Variants in PLCH2 observed in about 807,000 individuals in gnomAD.
The protein encoded by PLCH2 is 1-phosphatidylinositol 4,5-bisphosphate phosphodiesterase eta-2.
PLCH2 carries 98 observed loss-of-function variants against 134.7 expected under a neutral mutation model. The observed-to-expected ratio is 0.73, with a 90% CI of 0.62 to 0.86. The LOEUF is 0.86. PLCH2 is among the 40% of genes least tolerant of loss of function. The pLI, the probability that PLCH2 is intolerant of heterozygous loss-of-function variation, is 0.00. For synonymous variants in PLCH2, 974 were observed against 827.5 expected, an observed-to-expected ratio of 1.18 and a Z score of -3.04; for missense variants, 1,994 against 1,986.6, an observed-to-expected ratio of 1.00 and a Z score of -0.07.
chr1:2,495,950 G>GC, intron 13 of PLCH2, among the ~76,000 whole-genome samples: 1 of 152,158 alleles, frequency 6.6e-6, no homozygotes, highest in East Asian at 1.9e-4. Flanking sequence ...TGAATTCAAG[G>GC]CCCAGGCCCC....
chr1:2,479,734 T>A lies in PLCH2; in HGVS notation c.272T>A (p.Ile91Asn). The A allele has an allele frequency of 6.5e-7, 1 of 1,535,740 alleles. No individual in the cohort carries two copies. The highest frequency in any genetic ancestry group is 8.8e-7 in the Non-Finnish European group (1 of 1,135,182). Residue 91 changes from isoleucine to asparagine, a missense_variant and splice_region_variant, in exon 3 of 22, where the codon ATC (isoleucine) becomes AAC (asparagine). By Grantham distance (149) the Ile-to-Asn change is moderately radical. This residue lies in a region of PLCH2 where 1,094 missense variants were observed against 1,234.3 expected (regional missense o/e 0.89). Transcript: ENST00000378486. ...RPSRKNEKAK[I>N]SIDSIQEVSE... ...CCCGTGCTCCCTCCCCACCCCGCAG[T>A]CTCCATCGACTCCATCCAGGAGGTG... is the stretch of plus-strand genomic sequence containing the variant.
chr1:2,437,840 C>T (rs1639504869), intron 2 of PLCH2, among the ~76,000 whole-genome samples: 1 of 152,226 alleles, frequency 6.6e-6, no homozygotes. Flanking sequence ...GCACCCAAAC[C>T]ACACACGTGC....
At chr1:2,499,583 C>A in intron 19 of PLCH2, 58 bp from the exon 20 acceptor site, 2 of 1,269,860 alleles carry the variant, frequency 1.6e-6, no homozygotes, top group Non-Finnish European at 2.2e-6. Context: ...GGGGGCAGAG[C>A]AGGTGGGGGC....
At position 2,496,587 on chromosome 1, in the gene PLCH2, A is replaced by AC; in HGVS notation, c.1836-15dup. On this transcript the variant is annotated intron_variant, in intron 13 of 21. Transcript: ENST00000378486. ...CTGGCCCTGGACGGGAGGGGTTCTG[A>AC]CCCCCTGCACCTGCCACAGGGCGAC... The AC allele has an allele frequency of 6.3e-7, 1 of 1,592,088 alleles. No homozygotes were observed. The highest frequency in any genetic ancestry group is 8.5e-7 in the Non-Finnish European group (1 of 1,169,894).
chr1:2,459,179 G>T (rs1270543721), intron 2 of PLCH2, among the ~76,000 whole-genome samples: 2 of 152,272 alleles, frequency 1.3e-5, no homozygotes, highest in East Asian at 3.8e-4. Flanking sequence ...GCCTCCCGTT[G>T]GCCCTGCATG....
At chr1:2,499,367 A>AGG (rs1158088705) in intron 19 of PLCH2, 137 bp downstream of exon 19, 1 of 1,120,520 alleles carries the variant, frequency 8.9e-7, no homozygotes, top group Non-Finnish European at 1.3e-6. Context: ...TGAGGACGGG[A>AGG]GGAGAGCCAG....
At chr1:2,468,963 G>A (rs1336686632) in intron 1 of PLCH2, among the ~76,000 whole-genome samples, 3 of 152,096 alleles carry the variant, frequency 2.0e-5, no homozygotes, top group East Asian at 3.9e-4. Context: ...CCCCTCCTCT[G>A]TCCCACCCCC....
chr1:2,476,572 C>A lies in PLCH2; in HGVS notation c.-17C>A. 1 of 1,498,022 alleles carries A rather than the reference C, an allele frequency of 6.7e-7. No individual in the cohort carries two copies. The highest frequency in any genetic ancestry group is 8.8e-7 in the Non-Finnish European group (1 of 1,130,906). 92.8% of individuals were successfully genotyped at this position (1,498,022 alleles called of 1,614,324 possible). A position where few individuals can be genotyped will look rare whatever the true frequency, so the allele number is the denominator to read the frequency against. On this transcript the variant is annotated 5_prime_UTR_variant, in exon 1 of 22. Transcript: ENST00000378486. ...CCTCTGTGGCCTCCGTGAAGCAGGC[C>A]CGGCTGTCGTCAGGCCATGTCTGGT...
chr1:2,474,256 C>G (rs971773874), upstream of PLCH2, among the ~76,000 whole-genome samples: 1 of 152,128 alleles, frequency 6.6e-6, no homozygotes, highest in East Asian at 1.9e-4. Flanking sequence ...GGGCCCCTGC[C>G]ACGTCTCTTG....
At position 2,504,811 on chromosome 1, in the gene PLCH2, G is replaced by A. The variant is rs532007680; in HGVS notation, c.3849G>A (p.Pro1283=). The change falls in exon 22 of 22, where the codon CCG becomes CCA. Residue 1283 remains proline (P), a synonymous_variant. Coordinates refer to ENST00000378486, the MANE Select transcript of PLCH2 (RefSeq NM_014638.4). ...SRRLSHSLGL[P]GGTRRVSGPG... is the part of the protein sequence containing the mutation. ...GACTGAGCCACAGCCTGGGCCTCCCGGGAGGGACACGGCGGGTGTCGGGGC... is the reference window on the plus strand; with the variant it reads ...GACTGAGCCACAGCCTGGGCCTCCCAGGAGGGACACGGCGGGTGTCGGGGC... 81 of 1,611,280 alleles carry A rather than the reference G, an allele frequency of 5.0e-5. No individual in the cohort carries two copies. The African/African-American group carries it at 5.2e-4, about 10-fold the overall frequency.
At chr1:2,464,895 C>T (rs1025321860), upstream of PLCH2, among the ~76,000 whole-genome samples, 5 of 152,220 alleles carry the variant, frequency 3.3e-5, no homozygotes, top group African/African-American at 1.2e-4. Context: ...AGTCAACTCA[C>T]ACAGACTGAA....
intron 2 of PLCH2, among the ~76,000 whole-genome samples, chr1:2,431,169 G>A (rs1215183513): frequency 6.6e-6 from 1 of 151,058 alleles, no homozygotes; most frequent in Non-Finnish European, 1.5e-5. Flanking sequence ...TGTGCACACC[G>A]CTATCTGCCG....
chr1:2,480,715 T>G (rs1269561484), intron 4 of PLCH2, among the ~76,000 whole-genome samples: 3 of 152,220 alleles, frequency 2.0e-5, no homozygotes, highest in Non-Finnish European at 4.4e-5. Flanking sequence ...CCCAGTCTGA[T>G]GCGCAGCAGC....
chr1:2,423,404 A>C (rs951946402), upstream of PLCH2, among the ~76,000 whole-genome samples: 2 of 152,114 alleles, frequency 1.3e-5, no homozygotes, highest in Non-Finnish European at 2.9e-5. Flanking sequence ...TGTTCTTGTT[A>C]CAAGGCCACC....
At chr1:2,485,223 T>TGCTCTCTGGAC (rs70956308) in intron 5 of PLCH2, among the ~76,000 whole-genome samples, 117,116 of 151,766 alleles carry the variant, frequency 0.77, 45,374 homozygotes, top group East Asian at 0.95. Flanking sequence ...CAAGGCCAAG[T>TGCTCTCTGGAC]GCTGCCCCAC....
intron 5 of PLCH2, among the ~76,000 whole-genome samples, chr1:2,486,252 C>T (rs1252901807): frequency 2.0e-5 from 3 of 152,194 alleles, no homozygotes; most frequent in Non-Finnish European, 2.9e-5. Flanking sequence ...GTCCTCCAGC[C>T]GGCAACTGGT....
chr1:2,473,334 G>A (rs770861774), upstream of PLCH2, among the ~76,000 whole-genome samples: 2 of 152,180 alleles, frequency 1.3e-5, no homozygotes, highest in African/African-American at 2.4e-5. Flanking sequence ...CCCAGGTGCG[G>A]GGGCTGAGCC....
At chr1:2,461,453 A>C (rs1201689220) in intron 2 of PLCH2, among the ~76,000 whole-genome samples, 1 of 152,098 alleles carries the variant, frequency 6.6e-6, no homozygotes, top group African/African-American at 2.4e-5. Context: ...TCCATGTGGG[A>C]CCTGGCCCCT....
In PLCH2 at chr1:2,450,121, G is replaced by T. The variant is rs549409546; in HGVS notation, c.115+19492G>T. ...GGCCCGTCCCCTGAGGCTTGTCCAG[G>T]AACAGGCACCCTGGGCAGAGGTGGC... is the stretch of plus-strand genomic sequence containing the variant. On this transcript the variant is annotated intron_variant, in intron 2 of 3. Transcript: ENST00000609981. Among the ~76,000 whole-genome samples the T allele has an allele frequency of 1.2e-4, 19 of 152,348 alleles. No homozygotes were observed. The East Asian group carries it at 3.1e-3, about 25-fold the overall frequency.
Sources: allele counts gnomAD v4.1 joint callset (sites outside exome capture counted in the v4.1 genomes callset), GRCh38; gene constraint gnomAD v4.1.1; regional missense constraint gnomAD v4.1.1; transcripts MANE v1.5; gene names NCBI Gene and HGNC (gene_info 2026-07-23, HGNC 2026-07-21).